PHF14: variants seen among roughly 807,000 people sequenced by gnomAD.
PHF14 encodes the protein PHD finger protein 14.
A neutral mutation model predicts 117.9 loss-of-function variants in PHF14; 55 were observed. The observed-to-expected ratio is 0.47, with a 90% CI of 0.38 to 0.58. The LOEUF (loss-of-function observed/expected upper bound fraction) is 0.58, where lower values mean the gene tolerates loss of function less well. Among genes scored for constraint, PHF14 ranks in the 20% least tolerant of loss-of-function variants. The pLI is 0.00. For synonymous variants in PHF14, 409 were observed against 368.6 expected (o/e 1.11, Z -1.26); for missense variants, 978 against 1,122.2 (o/e 0.87, Z 1.84).
At chr7:11,061,364 C>T (rs946907343) in intron 14 of PHF14, 1 of 152,360 alleles carries the variant, frequency 6.6e-6, no homozygotes, top group Non-Finnish European at 1.5e-5. Context: ...AACATGTATG[C>T]ACATGCATAT....
chr7:11,088,454 A>C (rs1207524329), intron 16 of PHF14, among the ~76,000 whole-genome samples: 1 of 152,092 alleles, frequency 6.6e-6, no homozygotes, highest in Admixed American at 6.5e-5. Flanking sequence ...CAACATGAGA[A>C]ATTGTCAAAT....
intron 16 of PHF14, among the ~76,000 whole-genome samples, chr7:11,067,555 C>T (rs1562448755): frequency 1.3e-5 from 2 of 152,146 alleles, no homozygotes; most frequent in Non-Finnish European, 2.9e-5. Context: ...GTGGAAGCAA[C>T]CCAAGTTCCA....
intron 17 of PHF14, among the ~76,000 whole-genome samples, chr7:11,157,115 T>C (rs1356211610): frequency 6.6e-6 from 1 of 152,162 alleles, no homozygotes; most frequent in Admixed American, 6.6e-5. Flanking sequence ...TTTGCATGCC[T>C]CTCTACCACA....
chr7:11,089,831 C>T (rs968114155), intron 16 of PHF14, among the ~76,000 whole-genome samples: 8 of 137,182 alleles, frequency 5.8e-5, no homozygotes, highest in East Asian at 2.1e-4. Context: ...AGTGCATTGG[C>T]GTGATCTTGG....
chr7:11,105,413 C>T, intron 16 of PHF14: 2 of 959,052 alleles, frequency 2.1e-6, no homozygotes, highest in Non-Finnish European at 2.5e-6. Context: ...TCATAAAACT[C>T]ACCACTATTT....
intron 13 of PHF14, among the ~76,000 whole-genome samples, chr7:11,048,896 C>T (rs1320259502): frequency 3.1e-5 from 2 of 64,096 alleles, no homozygotes; most frequent in Admixed American, 2.3e-4. Flanking sequence ...TGAGTTGTTC[C>T]GTGTTTTGTG....
At chr7:11,037,532 G>A (rs1442233410) in intron 10 of PHF14, among the ~76,000 whole-genome samples, 1 of 152,046 alleles carries the variant, frequency 6.6e-6, no homozygotes, top group African/African-American at 2.4e-5. Flanking sequence ...TTCTAAGTTT[G>A]TAGAAAATTT....
At chr7:11,034,579 C>T (rs771534303) in intron 7 of PHF14, among the ~76,000 whole-genome samples, 30 of 106,168 alleles carry the variant, frequency 2.8e-4, no homozygotes, top group Middle Eastern at 0.011. Flanking sequence ...GACAGACTGT[C>T]GCTCTGTCAC....
intron 17 of PHF14, among the ~76,000 whole-genome samples, chr7:11,159,999 G>A (rs1293031880): frequency 6.6e-6 from 1 of 152,108 alleles, no homozygotes; most frequent in Non-Finnish European, 1.5e-5. Context: ...TTTGGGGTGT[G>A]ATTCATCCCA....
chr7:11,165,625 A>G (rs1161788674), intron 17 of PHF14, among the ~76,000 whole-genome samples: 1 of 152,244 alleles, frequency 6.6e-6, no homozygotes, highest in African/African-American at 2.4e-5. Flanking sequence ...CCTGAGTGAT[A>G]TAAATTCCAG....
At chr7:11,108,024 C>T (rs973519128) in intron 16 of PHF14, 5 of 151,618 alleles carry the variant, frequency 3.3e-5, no homozygotes, top group Admixed American at 6.6e-5. Flanking sequence ...ATGAAGATTA[C>T]AAAGTGGTAT....
intron 9 of PHF14, 43 bp from the exon 10 acceptor site, chr7:11,036,942 T>C: frequency 7.5e-7 from 1 of 1,336,510 alleles, no homozygotes; most frequent in East Asian, 2.5e-5. Context: ...TATGTCAGTT[T>C]TTACTTCCTA....
At chr7:11,001,760 A>G (rs1399829629) in intron 4 of PHF14, among the ~76,000 whole-genome samples, 1 of 152,078 alleles carries the variant, frequency 6.6e-6, no homozygotes, top group Non-Finnish European at 1.5e-5. Flanking sequence ...GTTCCAGGAA[A>G]TTTTTGGCTA....
intron 4 of PHF14, among the ~76,000 whole-genome samples, chr7:11,007,384 C>T (rs748649367): frequency 6.6e-6 from 1 of 151,840 alleles, no homozygotes; most frequent in Non-Finnish European, 1.5e-5. Context: ...TTATTGTTTA[C>T]AATTTTCTGT....
intron 3 of PHF14, among the ~76,000 whole-genome samples, chr7:10,989,469 T>C (rs1389937135): frequency 6.6e-6 from 1 of 152,216 alleles, no homozygotes; most frequent in Non-Finnish European, 1.5e-5. Context: ...CCAAGTGCCA[T>C]CTTTTATTAT....
intron 16 of PHF14, among the ~76,000 whole-genome samples, chr7:11,090,380 C>T (rs1304924513): frequency 6.6e-6 from 1 of 152,144 alleles, no homozygotes; most frequent in Non-Finnish European, 1.5e-5. Flanking sequence ...CAGTCACAAG[C>T]AAGTGAAATT....
intron 16 of PHF14, chr7:11,103,297 C>T: frequency 2.3e-6 from 2 of 858,258 alleles, no homozygotes; most frequent in Non-Finnish European, 2.8e-6. Flanking sequence ...ATATTCAGTC[C>T]TTATTGTTTT....
At chr7:10,991,686 A>G (rs1285225451) in intron 4 of PHF14, among the ~76,000 whole-genome samples, 1 of 151,786 alleles carries the variant, frequency 6.6e-6, no homozygotes, top group Non-Finnish European at 1.5e-5. Context: ...TGTTTCTTTA[A>G]AGGTCGGTGT....
At chr7:11,117,595 A>ATATGTATAAATACAAATATGTATTTT (rs1562474237) in intron 17 of PHF14, among the ~76,000 whole-genome samples, 1 of 151,242 alleles carries the variant, frequency 6.6e-6, no homozygotes, top group East Asian at 1.9e-4. Context: ...ATATGTATTT[A>ATATGTATAAATACAAATATGTATTTT]TATGTATAAA....
Sources: gnomAD v4.1 joint callset for allele counts (sites outside exome capture counted in the v4.1 genomes callset) on GRCh38, gnomAD v4.1.1 for gene constraint, MANE v1.5 for transcripts, NCBI Gene and HGNC (gene_info 2026-07-23, HGNC 2026-07-21) for gene names.